The following MYO3B variants were observed in gnomAD, a reference collection of about 807,000 sequenced individuals.
MYO3B encodes the protein myosin IIIB.
MYO3B carries 156 observed loss-of-function variants against 174.6 expected under a neutral mutation model. The ratio of observed to expected loss-of-function variants is 0.89; its 90% confidence interval spans 0.78 to 1.02. The LOEUF (loss-of-function observed/expected upper bound fraction) is 1.02, where lower values mean the gene tolerates loss of function less well. Among genes scored for constraint, MYO3B ranks in the 50% least tolerant of loss-of-function variants. MYO3B has a pLI of 0.00. For synonymous variants in MYO3B, 563 were observed against 569.1 expected (o/e 0.99, Z 0.15); for missense variants, 1,632 against 1,639.4 (o/e 1.00, Z 0.08).
intron 32 of MYO3B, among the ~76,000 whole-genome samples, chr2:170,647,128 A>G (rs1057121679): frequency 3.9e-5 from 6 of 152,216 alleles, no homozygotes; most frequent in African/African-American, 9.6e-5. Context: ...AATTCTCAAT[A>G]TATAACTCAT....
intron 32 of MYO3B, among the ~76,000 whole-genome samples, chr2:170,583,261 G>A (rs1449273102): frequency 6.6e-6 from 1 of 152,112 alleles, no homozygotes; most frequent in Admixed American, 6.5e-5. Flanking sequence ...CAGAGAAAGT[G>A]CTCAGGGAGA....
rs140076957 is a variant in MYO3B at position 170,329,259 on chromosome 2, GTATA to G, written c.750-6119_750-6116del. Reference sequence around the variant, plus strand: ...TGTGTGTGTGTGTGTGTGTGTGTGTGTATATATATAAAATATTTATAGCAGATGC... The same window carrying G: ...TGTGTGTGTGTGTGTGTGTGTGTGTGTATATAAAATATTTATAGCAGATGC... On this transcript the variant is annotated intron_variant, in intron 7 of 34. Coordinates refer to ENST00000408978, the MANE Select transcript of MYO3B (RefSeq NM_138995.5). 1.1e-3 allele frequency among the ~76,000 whole-genome samples: 171 copies of G among 149,232 alleles called. 2 individuals are homozygous for G. Among genetic ancestry groups the G allele is most frequent in the African/African-American group, 3.9e-3 (155 of 39,816 alleles).
At chr2:170,270,003 A>G (rs574372805) in intron 7 of MYO3B, among the ~76,000 whole-genome samples, 1 of 152,220 alleles carries the variant, frequency 6.6e-6, no homozygotes, top group Non-Finnish European at 1.5e-5. Flanking sequence ...CTGTTCCAAA[A>G]CAGTGTTAAA....
intron 30 of MYO3B, among the ~76,000 whole-genome samples, chr2:170,532,807 ACT>A (rs1689442217): frequency 7.8e-6 from 1 of 128,780 alleles, no homozygotes; most frequent in African/African-American, 3.1e-5. Context: ...CAAGAGTGAA[ACT>A]CTGTCTCAAA....
intron 25 of MYO3B, among the ~76,000 whole-genome samples, chr2:170,489,390 A>G (rs1484436853): frequency 6.6e-6 from 1 of 152,176 alleles, no homozygotes; most frequent in Non-Finnish European, 1.5e-5. Flanking sequence ...GGGGTGTCCT[A>G]GATCCCCAGT....
intron 25 of MYO3B, among the ~76,000 whole-genome samples, chr2:170,486,921 C>G (rs1686104381): frequency 6.6e-6 from 1 of 152,226 alleles, no homozygotes. Context: ...CATTTCCCTT[C>G]TCCACTTGAT....
At chr2:170,228,960 C>CAAAAAAAAAAAAAAAAA (rs539746576) in intron 6 of MYO3B, among the ~76,000 whole-genome samples, 1 of 98,324 alleles carries the variant, frequency 1.0e-5, no homozygotes. Context: ...ATTCCCTTTA[C>CAAAAAAAAAAAAAAAAA]AAAAAAAAAA....
intron 7 of MYO3B, among the ~76,000 whole-genome samples, chr2:170,310,793 C>G (rs2093734395): frequency 2.0e-5 from 3 of 151,640 alleles, no homozygotes; most frequent in Admixed American, 6.6e-5. Flanking sequence ...GTCTAAAGAC[C>G]TGGGATTAAC....
intron 25 of MYO3B, 98 bp from the exon 26 acceptor site, chr2:170,498,494 C>T (rs1409495375): frequency 2.6e-6 from 2 of 757,000 alleles, no homozygotes; most frequent in Non-Finnish European, 4.5e-6. Flanking sequence ...CAAATATTTA[C>T]TATTAAAAAA....
chr2:170,465,014 G>A (rs924266768), intron 24 of MYO3B, among the ~76,000 whole-genome samples: 3 of 142,582 alleles, frequency 2.1e-5, no homozygotes, highest in South Asian at 2.5e-4. Flanking sequence ...CTACAGGTAC[G>A]TGCCACCATG....
intron 6 of MYO3B, among the ~76,000 whole-genome samples, chr2:170,220,011 C>G (rs979503661): frequency 3.3e-5 from 5 of 152,204 alleles, no homozygotes; most frequent in Non-Finnish European, 7.3e-5. Flanking sequence ...GTAATCCCAG[C>G]ACTTTGGGAG....
chr2:170,466,422 T>A (rs1207024136), intron 24 of MYO3B, 84 bp from the exon 25 acceptor site: 4 of 1,291,976 alleles, frequency 3.1e-6, no homozygotes, highest in Non-Finnish European at 4.4e-6. Context: ...CTCGAACTGC[T>A]CCAGAGGCTT....
chr2:170,621,578 T>G (rs1165091156), intron 32 of MYO3B, among the ~76,000 whole-genome samples: 5 of 151,720 alleles, frequency 3.3e-5, no homozygotes, highest in Admixed American at 2.6e-4. Flanking sequence ...GGTGTGATCT[T>G]GGCTCAGTGC....
intron 22 of MYO3B, among the ~76,000 whole-genome samples, chr2:170,438,719 C>T (rs1426398591): frequency 3.3e-5 from 5 of 151,936 alleles, no homozygotes; most frequent in Non-Finnish European, 7.4e-5. Flanking sequence ...ACTGCAGCCT[C>T]CCCCTCCCAA....
intron 25 of MYO3B, among the ~76,000 whole-genome samples, chr2:170,472,732 C>T (rs1459022250): frequency 4.7e-5 from 7 of 150,036 alleles, no homozygotes; most frequent in Non-Finnish European, 1.0e-4. Flanking sequence ...GACAGGGTCT[C>T]ACTCTGTCAC....
At chr2:170,276,505 A>C (rs937738601) in intron 7 of MYO3B, among the ~76,000 whole-genome samples, 2 of 152,202 alleles carry the variant, frequency 1.3e-5, no homozygotes, top group African/African-American at 4.8e-5. Flanking sequence ...CCTGTAGCCT[A>C]ACCGTCCTGC....
intron 1 of MYO3B, among the ~76,000 whole-genome samples, chr2:170,181,342 A>G (rs1034867672): frequency 6.6e-6 from 1 of 152,150 alleles, no homozygotes; most frequent in Non-Finnish European, 1.5e-5. Context: ...TGTTTTTATA[A>G]ATTCCATCAG....
chr2:170,200,108 A>G (rs1241543740), intron 2 of MYO3B, 42 bp from the exon 3 acceptor site: 1 of 1,590,578 alleles, frequency 6.3e-7, no homozygotes, highest in Non-Finnish European at 8.6e-7. Flanking sequence ...CCTTCCTTAC[A>G]CATTAGATTT....
intron 1 of MYO3B, among the ~76,000 whole-genome samples, chr2:170,197,942 A>AT (rs1315070288): frequency 6.6e-6 from 1 of 152,152 alleles, no homozygotes; most frequent in Non-Finnish European, 1.5e-5. Flanking sequence ...GCAGTAAGAC[A>AT]TGGGCGAATC....
Sources: allele counts gnomAD v4.1 joint callset (sites outside exome capture counted in the v4.1 genomes callset), GRCh38; gene constraint gnomAD v4.1.1; transcripts MANE v1.5; gene names NCBI Gene and HGNC (gene_info 2026-07-23, HGNC 2026-07-21).